Variants in NELL1 observed in about 807,000 individuals in gnomAD.
NELL1 encodes the protein protein kinase C-binding protein NELL1.
NELL1 carries 76 observed loss-of-function variants against 107.4 expected under a neutral mutation model. The ratio of observed to expected loss-of-function variants is 0.71; its 90% CI spans 0.59 to 0.86. The LOEUF is 0.86. Ranked by LOEUF, NELL1 falls within the 40% of genes least tolerant of loss-of-function variation. The pLI, the probability that NELL1 is intolerant of heterozygous loss-of-function variation, is 0.00. For missense variants in NELL1, 1,024 were observed against 1,005.5 expected (o/e 1.02, Z -0.25); for synonymous variants, 353 against 341.2 (o/e 1.03, Z -0.38).
At chr11:21,002,053 T>G in intron 12 of NELL1, among the ~76,000 whole-genome samples, 1 of 152,194 alleles carries the variant, frequency 6.6e-6, no homozygotes, top group East Asian at 1.9e-4. Context: ...ATTCCAGGGC[T>G]AATGCACATG....
At chr11:20,873,105 G>C (rs1849236019) in intron 4 of NELL1, among the ~76,000 whole-genome samples, 1 of 152,132 alleles carries the variant, frequency 6.6e-6, no homozygotes, top group Admixed American at 6.6e-5. Context: ...ATATGGGTTT[G>C]CACTAAATTA....
chr11:20,818,950 G>A (rs560330926), intron 3 of NELL1, among the ~76,000 whole-genome samples: 13 of 152,278 alleles, frequency 8.5e-5, no homozygotes, highest in Middle Eastern at 6.8e-3. Context: ...TATTACCCTC[G>A]CATCACAGAT....
At chr11:21,196,041 C>T (rs1263770711) in intron 13 of NELL1, among the ~76,000 whole-genome samples, 1 of 152,192 alleles carries the variant, frequency 6.6e-6, no homozygotes, top group South Asian at 2.1e-4. Context: ...ATTGTTTCTA[C>T]ATCTTGTGTG....
chr11:21,524,774 T>C (rs895144941), intron 15 of NELL1, among the ~76,000 whole-genome samples: 3 of 152,198 alleles, frequency 2.0e-5, no homozygotes, highest in African/African-American at 7.2e-5. Flanking sequence ...CACAGAATCA[T>C]AGGATTTTCA....
chr11:21,478,574 C>A (rs957240425), intron 15 of NELL1, among the ~76,000 whole-genome samples: 4 of 151,878 alleles, frequency 2.6e-5, no homozygotes, highest in Non-Finnish European at 1.5e-5. Context: ...TTATGAAACT[C>A]CTAAAAGAAA....
intron 10 of NELL1, among the ~76,000 whole-genome samples, chr11:20,938,417 T>C (rs149280092): frequency 1.1e-3 from 168 of 152,316 alleles, no homozygotes; most frequent in African/African-American, 3.9e-3. Flanking sequence ...TCACTGTCTT[T>C]ATAGAACTTG....
At chr11:21,552,542 A>C (rs1362962968) in intron 16 of NELL1, among the ~76,000 whole-genome samples, 1 of 151,812 alleles carries the variant, frequency 6.6e-6, no homozygotes, top group Non-Finnish European at 1.5e-5. Context: ...TTGATCCTCC[A>C]AAGTCTAGAG....
At chr11:21,121,397 T>G (rs1253688012) in intron 13 of NELL1, among the ~76,000 whole-genome samples, 1 of 152,110 alleles carries the variant, frequency 6.6e-6, no homozygotes, top group Non-Finnish European at 1.5e-5. Context: ...GACTGTGAGG[T>G]ATCTCTATAG....
intron 14 of NELL1, among the ~76,000 whole-genome samples, chr11:21,329,240 C>A (rs1432114482): frequency 6.6e-6 from 1 of 152,094 alleles, no homozygotes; most frequent in African/African-American, 2.4e-5. Flanking sequence ...ATGCTGTTCT[C>A]ATGACAGTTA....
chr11:21,323,580 C>T (rs892501251), intron 14 of NELL1, among the ~76,000 whole-genome samples: 3 of 152,076 alleles, frequency 2.0e-5, no homozygotes, highest in African/African-American at 7.2e-5. Flanking sequence ...ATAACACCTT[C>T]CATTTTACCT....
At chr11:20,756,531 T>C (rs1417161025) in intron 2 of NELL1, among the ~76,000 whole-genome samples, 2 of 146,542 alleles carry the variant, frequency 1.4e-5, no homozygotes, top group East Asian at 4.0e-4. Context: ...TTTTTTTTTT[T>C]TTTTTTTTTT....
intron 14 of NELL1, among the ~76,000 whole-genome samples, chr11:21,308,147 G>A (rs1192333661): frequency 1.3e-5 from 2 of 152,002 alleles, no homozygotes; most frequent in South Asian, 4.1e-4. Context: ...TTATCAATAA[G>A]GATAGTAATA....
At chr11:21,339,779 T>A (rs1294663205) in intron 14 of NELL1, among the ~76,000 whole-genome samples, 2 of 152,190 alleles carry the variant, frequency 1.3e-5, no homozygotes, top group Non-Finnish European at 2.9e-5. Context: ...TGCCAGGCTT[T>A]AGGGCCACCT....
At chr11:21,205,443 C>A (rs1857368870) in intron 13 of NELL1, among the ~76,000 whole-genome samples, 1 of 152,308 alleles carries the variant, frequency 6.6e-6, no homozygotes, top group East Asian at 1.9e-4. Context: ...CCTACCAAAG[C>A]CTCAGTAATG....
chr11:21,141,905 A>G (rs993546776), intron 13 of NELL1, among the ~76,000 whole-genome samples: 7 of 152,086 alleles, frequency 4.6e-5, no homozygotes, highest in Non-Finnish European at 1.0e-4. Flanking sequence ...CTGGGATTAC[A>G]GGTGCCTGCC....
intron 15 of NELL1, among the ~76,000 whole-genome samples, chr11:21,374,525 G>C (rs190294844): frequency 6.6e-6 from 1 of 151,992 alleles, no homozygotes; most frequent in Non-Finnish European, 1.5e-5. Flanking sequence ...ATCAAATGCT[G>C]TTCACGTTGG....
In NELL1 at chr11:21,320,309, TC is replaced by T. The variant is rs1162474223; in HGVS notation, c.1550-50543del. On this transcript the variant is annotated intron_variant, in intron 14 of 19. Transcript: ENST00000357134. Reference sequence around the variant, plus strand: ...CTCTGGAAATCAAATGCTAAACTCTTCAGAAAACTGCTCGAGAGATCATGGG... The same window carrying T: ...CTCTGGAAATCAAATGCTAAACTCTTAGAAAACTGCTCGAGAGATCATGGG... 2.6e-5 allele frequency among the ~76,000 whole-genome samples: 4 copies of T among 152,314 alleles called. No individual in the cohort carries two copies. In the East Asian group the frequency reaches 7.7e-4, roughly 29 times the overall value.
chr11:21,572,001 A>T (rs1167576560), intron 18 of NELL1, among the ~76,000 whole-genome samples: 2 of 151,892 alleles, frequency 1.3e-5, no homozygotes, highest in Non-Finnish European at 1.5e-5. Flanking sequence ...GAATGTGCAG[A>T]TAATCTTAAC....
intron 3 of NELL1, among the ~76,000 whole-genome samples, chr11:20,808,040 C>A (rs1857421489): frequency 6.6e-6 from 1 of 152,184 alleles, no homozygotes; most frequent in Non-Finnish European, 1.5e-5. Flanking sequence ...GGTGCTCTAT[C>A]CCACTGTGGC....
Sources: allele counts gnomAD v4.1 joint callset (sites outside exome capture counted in the v4.1 genomes callset), GRCh38; gene constraint gnomAD v4.1.1; transcripts MANE v1.5; gene names NCBI Gene and HGNC (gene_info 2026-07-23, HGNC 2026-07-21).